Variants in RYR3 observed in about 807,000 individuals in gnomAD.
RYR3 encodes ryanodine receptor 3.
Under a neutral mutation model 584.3 loss-of-function variants are expected in RYR3, and 207 were observed. The ratio of observed to expected loss-of-function variants is 0.35; its 90% CI spans 0.32 to 0.40. The LOEUF (loss-of-function observed/expected upper bound fraction) is 0.40, where lower values mean the gene tolerates loss of function less well. Among genes scored for constraint, RYR3 ranks in the 10% least tolerant of loss-of-function variants. The pLI is 1.00. For missense variants in RYR3, 5,616 were observed against 6,089.2 expected (o/e 0.92, Z 2.59); for synonymous variants, 2,416 against 2,248.5 (o/e 1.07, Z -2.11).
intron 21 of RYR3, among the ~76,000 whole-genome samples, chr15:33,629,243 G>C (rs753831689): frequency 6.6e-6 from 1 of 152,192 alleles, no homozygotes; most frequent in African/African-American, 2.4e-5. Flanking sequence ...TTTGTTGAAA[G>C]AATGAATTAC....
rs754780868 is a variant in RYR3 at position 33,838,310 on chromosome 15, G to T, written c.12330G>T (p.Arg4110Ser). Residue 4110 changes from arginine (R) to serine (S), a missense_variant, in exon 89 of 104, where the codon AGG (arginine) becomes AGT (serine). Coordinates refer to ENST00000634891, the MANE Select transcript of RYR3 (RefSeq NM_001036.6). ...SQISESDSAD[R>S]PEEEEEDEDS... The stretch of plus-strand genomic sequence containing the variant: ...TCTCTGAATCCGATTCAGCTGACAG[G>T]CCAGAAGAGGAGGAAGAAGATGAAG... 1 of 1,613,816 alleles carries T rather than the reference G, an allele frequency of 6.2e-7. No individual in the cohort carries two copies. Among genetic ancestry groups the T allele is most frequent in the Non-Finnish European group, 8.5e-7 (1 of 1,179,878 alleles).
chr15:33,581,500 C>T lies in RYR3; in HGVS notation c.1438-8C>T. The T allele has an allele frequency of 6.2e-7, 1 of 1,612,796 alleles. No individual in the cohort carries two copies. On this transcript the variant is annotated splice_region_variant and splice_polypyrimidine_tract_variant and intron_variant, in intron 13 of 103. Transcript: ENST00000634891. ...AATGTTTACATTTTCCTCCACTCTC[C>T]TTCTCAGGGAATGTTGGCCCTTGTC... is the stretch of plus-strand genomic sequence containing the variant.
chr15:33,783,145 A>G (rs2074482429), intron 65 of RYR3, among the ~76,000 whole-genome samples: 1 of 152,078 alleles, frequency 6.6e-6, no homozygotes, highest in Admixed American at 6.6e-5. Context: ...CATCAGAATC[A>G]CCCGGGAGGC....
intron 9 of RYR3, among the ~76,000 whole-genome samples, chr15:33,549,946 C>A (rs956007055): frequency 1.3e-5 from 2 of 152,200 alleles, no homozygotes; most frequent in Non-Finnish European, 2.9e-5. Flanking sequence ...CCTTCAAGAT[C>A]ATTCCTTGTT....
intron 38 of RYR3, among the ~76,000 whole-genome samples, chr15:33,686,048 C>G (rs945392922): frequency 3.3e-5 from 5 of 151,982 alleles, no homozygotes; most frequent in Non-Finnish European, 7.4e-5. Flanking sequence ...GAAGCAAGAG[C>G]AAACACATTC....
chr15:33,679,130 G>A (rs990550702), intron 38 of RYR3, among the ~76,000 whole-genome samples: 3 of 152,072 alleles, frequency 2.0e-5, no homozygotes, highest in African/African-American at 4.8e-5. Context: ...CTAGGGCACA[G>A]ACCACAGAGG....
intron 1 of RYR3, among the ~76,000 whole-genome samples, chr15:33,427,923 G>GTTCC (rs2044781476): frequency 6.6e-6 from 1 of 152,226 alleles, no homozygotes; most frequent in Non-Finnish European, 1.5e-5. Context: ...GACAGGAAAT[G>GTTCC]CTCATGTGGG....
chr15:33,446,818 C>T (rs1020690198), intron 1 of RYR3, among the ~76,000 whole-genome samples: 2 of 152,196 alleles, frequency 1.3e-5, no homozygotes, highest in Middle Eastern at 3.2e-3. Flanking sequence ...TTAACAGCTT[C>T]CTTTTAGCAC....
chr15:33,676,287 C>CA (rs1203404756), intron 38 of RYR3, among the ~76,000 whole-genome samples: 1 of 150,754 alleles, frequency 6.6e-6, no homozygotes, highest in Non-Finnish European at 1.5e-5. Flanking sequence ...CCAGAGCCTT[C>CA]AGAAAGGATT....
intron 67 of RYR3, among the ~76,000 whole-genome samples, chr15:33,796,954 A>G (rs1018309666): frequency 5.3e-5 from 8 of 152,240 alleles, no homozygotes; most frequent in African/African-American, 1.4e-4. Flanking sequence ...CGTGTCTTTT[A>G]TAGCAACGTG....
At chr15:33,539,265 G>A (rs1431875864) in intron 5 of RYR3, 85 bp from the exon 6 acceptor site, 1 of 797,932 alleles carries the variant, frequency 1.3e-6, no homozygotes, top group East Asian at 2.7e-5. Context: ...GTGAAGGGTT[G>A]TCCTAAGAGG....
chr15:33,860,669 C>T lies in RYR3; in HGVS notation c.14364+10C>T, dbSNP rs898192253. The T allele has an allele frequency of 1.2e-5, 18 of 1,557,542 alleles. No homozygotes were observed. The highest frequency in any genetic ancestry group is 3.3e-4 in the Middle Eastern group (2 of 5,974). On this transcript the variant is annotated intron_variant, in intron 101 of 103. Coordinates refer to ENST00000634891, the MANE Select transcript of RYR3 (RefSeq NM_001036.6). ...ACGAGAAGATATGGAGGTAATGTTA[C>T]TCTAACTACTAATCCCAGCTCTATT... is the stretch of plus-strand genomic sequence containing the variant.
chr15:33,496,789 G>C (rs2051468681), intron 2 of RYR3, among the ~76,000 whole-genome samples: 1 of 152,068 alleles, frequency 6.6e-6, no homozygotes, highest in Non-Finnish European at 1.5e-5. Flanking sequence ...GGGTGTACCT[G>C]CCTAATCACA....
At chr15:33,451,083 G>A (rs2047087630) in intron 1 of RYR3, among the ~76,000 whole-genome samples, 2 of 152,168 alleles carry the variant, frequency 1.3e-5, no homozygotes, top group Admixed American at 1.3e-4. Context: ...GTAGCTTTGG[G>A]TAAATGACAG....
Position 33,838,820 on chromosome 15 carries a change from C to T in RYR3, c.12840C>T (p.Asp4280=), listed in dbSNP as rs2078191890. The T allele has an allele frequency of 1.9e-6, 3 of 1,613,766 alleles. No homozygotes were observed. Among genetic ancestry groups the T allele is most frequent in the Admixed American group, 1.7e-5 (1 of 59,990 alleles). The change falls in exon 89 of 104, where the codon GAC becomes GAT. Residue 4280 remains aspartate, a synonymous_variant. Coordinates refer to ENST00000634891, the MANE Select transcript of RYR3 (RefSeq NM_001036.6). The part of the protein sequence containing the change: ...GEKGDTDIMS[D]LFGLHPKKEG... Reference sequence around the variant, plus strand: ...AGGGAGATACAGATATCATGTCAGACCTCTTTGGACTCCACCCAAAGAAAG... The same window carrying T: ...AGGGAGATACAGATATCATGTCAGATCTCTTTGGACTCCACCCAAAGAAAG...
At chr15:33,857,953 C>T (rs370470086) in intron 99 of RYR3, 39 bp downstream of exon 99, 50 of 1,532,014 alleles carry the variant, frequency 3.3e-5, no homozygotes, top group Middle Eastern at 3.7e-4. Flanking sequence ...CCACCCACTG[C>T]GGGGCCACCC....
intron 60 of RYR3, among the ~76,000 whole-genome samples, chr15:33,767,748 T>C (rs1319147873): frequency 6.6e-6 from 1 of 152,208 alleles, no homozygotes; most frequent in Non-Finnish European, 1.5e-5. Context: ...TTCCACTGCT[T>C]TCTGAAGCAA....
At chr15:33,610,406 C>T (rs2060121774) in intron 18 of RYR3, among the ~76,000 whole-genome samples, 1 of 152,118 alleles carries the variant, frequency 6.6e-6, no homozygotes, top group Admixed American at 6.5e-5. Flanking sequence ...ATGTCCATTT[C>T]CCAGCAGACT....
intron 69 of RYR3, among the ~76,000 whole-genome samples, chr15:33,804,483 C>T (rs1039071289): frequency 6.6e-6 from 1 of 152,194 alleles, no homozygotes; most frequent in African/African-American, 2.4e-5. Context: ...TCCCATTTAC[C>T]AATCTGCAGA....
Sources: gnomAD v4.1 joint callset for allele counts (sites outside exome capture counted in the v4.1 genomes callset) on GRCh38, gnomAD v4.1.1 for gene constraint, MANE v1.5 for transcripts, NCBI Gene and HGNC (gene_info 2026-07-23, HGNC 2026-07-21) for gene names.